The following GUCY1A2 variants were observed in gnomAD, a reference collection of about 807,000 sequenced individuals.
GUCY1A2 encodes guanylate cyclase 1 soluble subunit alpha 2, also known as guanylate cyclase soluble subunit alpha-2.
A neutral mutation model predicts 63.5 loss-of-function variants in GUCY1A2; 27 were observed. The observed-to-expected ratio is 0.43, with a 90% confidence interval of 0.31 to 0.59. The LOEUF is 0.59. GUCY1A2 is among the 20% of genes least tolerant of loss of function. The pLI is 0.11. For synonymous variants in GUCY1A2, 364 were observed against 343.5 expected (o/e 1.06, Z -0.66); for missense variants, 768 against 913.3 (o/e 0.84, Z 2.05).
intron 4 of GUCY1A2, among the ~76,000 whole-genome samples, chr11:106,905,965 CG>C (rs1332208285): frequency 6.6e-6 from 1 of 151,990 alleles, no homozygotes; most frequent in African/African-American, 2.4e-5. Flanking sequence ...AACACTTAAA[CG>C]TAAGACCTAA....
intron 4 of GUCY1A2, among the ~76,000 whole-genome samples, chr11:106,882,461 G>A (rs1317247979): frequency 6.6e-6 from 1 of 151,970 alleles, no homozygotes; most frequent in Non-Finnish European, 1.5e-5. Flanking sequence ...TCAAAACTGG[G>A]GTGGAGGGTG....
At chr11:106,768,810 G>T (rs1311579468) in intron 6 of GUCY1A2, among the ~76,000 whole-genome samples, 6 of 152,152 alleles carry the variant, frequency 3.9e-5, no homozygotes, top group Non-Finnish European at 7.3e-5. Flanking sequence ...GTAATGGAAA[G>T]GTTGAGAAGC....
intron 4 of GUCY1A2, chr11:106,825,005 A>T (rs1011022555): frequency 7.5e-6 from 12 of 1,593,408 alleles, no homozygotes; most frequent in African/African-American, 6.8e-5. Flanking sequence ...ATGCATGTAT[A>T]TGCCACTATT....
chr11:106,851,238 T>G (rs1010054416), intron 4 of GUCY1A2, among the ~76,000 whole-genome samples: 1 of 151,778 alleles, frequency 6.6e-6, no homozygotes, highest in Non-Finnish European at 1.5e-5. Context: ...GTTCCTTGTA[T>G]AGTCTGTGTA....
At chr11:106,734,328 C>CCT (rs1863553136) in intron 6 of GUCY1A2, among the ~76,000 whole-genome samples, 1 of 152,020 alleles carries the variant, frequency 6.6e-6, no homozygotes, top group African/African-American at 2.4e-5. Flanking sequence ...TTACCTCATG[C>CCT]CTCTGCCCTT....
At chr11:106,967,641 C>T (rs1392706628) in intron 3 of GUCY1A2, among the ~76,000 whole-genome samples, 1 of 148,740 alleles carries the variant, frequency 6.7e-6, no homozygotes, top group African/African-American at 2.5e-5. Flanking sequence ...TAATCTAAGC[C>T]AGCAGTTATC....
At chr11:106,695,242 G>A (rs1037207454) in intron 7 of GUCY1A2, among the ~76,000 whole-genome samples, 6 of 152,078 alleles carry the variant, frequency 3.9e-5, no homozygotes, top group Admixed American at 3.3e-4. Context: ...AAGAGAGGAC[G>A]GTGGCAAGTG....
At chr11:106,882,029 A>C (rs1470213581) in intron 4 of GUCY1A2, among the ~76,000 whole-genome samples, 1 of 151,890 alleles carries the variant, frequency 6.6e-6, no homozygotes, top group African/African-American at 2.4e-5. Context: ...TCTCCACTGG[A>C]AATTTTCAAA....
chr11:106,900,497 C>T (rs778630351), intron 4 of GUCY1A2, among the ~76,000 whole-genome samples: 47 of 152,304 alleles, frequency 3.1e-4, no homozygotes, highest in African/African-American at 1.0e-3. Flanking sequence ...GACATAATTG[C>T]GTGGGCCAAT....
intron 4 of GUCY1A2, chr11:106,826,676 G>A (rs1224187052): frequency 6.2e-7 from 1 of 1,608,984 alleles, no homozygotes; most frequent in Non-Finnish European, 8.5e-7. Flanking sequence ...TGAGCAAACA[G>A]TTCAAAGCTG....
chr11:106,864,743 C>A (rs1013561513), intron 4 of GUCY1A2, among the ~76,000 whole-genome samples: 1 of 152,094 alleles, frequency 6.6e-6, no homozygotes, highest in African/African-American at 2.4e-5. Context: ...GTTGAACCAG[C>A]CTTGCATCCC....
intron 4 of GUCY1A2, among the ~76,000 whole-genome samples, chr11:106,820,459 CATG>C (rs1176411450): frequency 6.6e-6 from 1 of 152,092 alleles, no homozygotes; most frequent in Admixed American, 6.6e-5. Flanking sequence ...AGTGCAGTGG[CATG>C]ATACCGGCTC....
intron 6 of GUCY1A2, among the ~76,000 whole-genome samples, chr11:106,774,204 T>G (rs1262212166): frequency 6.6e-6 from 1 of 151,776 alleles, no homozygotes; most frequent in East Asian, 1.9e-4. Flanking sequence ...CGCATCTCGG[T>G]TCACGGCAAC....
At position 106,849,293 on chromosome 11, in the gene GUCY1A2, T is replaced by C. The variant is rs114362207; in HGVS notation, c.1207-38815A>G. Among the ~76,000 whole-genome samples, 993 of 151,084 alleles carry C rather than the reference T, an allele frequency of 6.6e-3. 9 individuals are homozygous for C. The highest frequency in any genetic ancestry group is 0.023 in the African/African-American group (963 of 41,394). On this transcript the variant is annotated intron_variant, in intron 4 of 7. Transcript: ENST00000526355. ...CTTTAAAAAGCTTTCGTCTATTGAC[T>C]TACAATTTATAAATTAAGCTAAATA...
chr11:106,996,003 T>G (rs1861529994), intron 1 of GUCY1A2, among the ~76,000 whole-genome samples: 1 of 151,986 alleles, frequency 6.6e-6, no homozygotes, highest in African/African-American at 2.4e-5. Context: ...AAAGAAGTAA[T>G]ATTTCTGCCT....
At chr11:106,945,293 C>T (rs1470961083) in intron 3 of GUCY1A2, among the ~76,000 whole-genome samples, 1 of 151,608 alleles carries the variant, frequency 6.6e-6, no homozygotes, top group African/African-American at 2.4e-5. Context: ...ACTGAGAGAA[C>T]TGAAACCTAA....
At chr11:106,821,087 A>G (rs1858895911) in intron 4 of GUCY1A2, among the ~76,000 whole-genome samples, 1 of 152,186 alleles carries the variant, frequency 6.6e-6, no homozygotes, top group South Asian at 2.1e-4. Context: ...CCATGATTAG[A>G]TGCCACTTTT....
At position 106,682,155 on chromosome 11, in the gene GUCY1A2, C is replaced by G. The variant is rs1346700277; in HGVS notation, c.*5394G>C. On this transcript the variant is annotated 3_prime_UTR_variant, in exon 8 of 8. Transcript: ENST00000526355. ...ACGTCTGTCTCTAAGTTTGAAGATT[C>G]ATGCTCAGAAAGAAGACCACAAATT... 1.4e-5 allele frequency: 3 copies of G among 209,996 alleles called. No homozygotes were observed. Among genetic ancestry groups the G allele is most frequent in the Non-Finnish European group, 2.9e-5 (3 of 105,074 alleles). The allele number at this position is 209,996 out of a possible 1,614,324, so 13.0% of individuals were successfully genotyped here.
intron 6 of GUCY1A2, among the ~76,000 whole-genome samples, chr11:106,762,240 A>G (rs1325252460): frequency 2.0e-5 from 3 of 152,144 alleles, no homozygotes; most frequent in Non-Finnish European, 4.4e-5. Flanking sequence ...TTACTTATTT[A>G]TATGTGAGGT....
Sources: gnomAD v4.1 joint callset for allele counts (sites outside exome capture counted in the v4.1 genomes callset) on GRCh38, gnomAD v4.1.1 for gene constraint, MANE v1.5 for transcripts, NCBI Gene and HGNC (gene_info 2026-07-23, HGNC 2026-07-21) for gene names.